TATDN1: variants seen among roughly 807,000 people sequenced by gnomAD.
TATDN1 encodes the protein deoxyribonuclease TATDN1.
TATDN1 carries 40 observed loss-of-function variants against 46.4 expected under a neutral mutation model. The ratio of observed to expected loss-of-function variants is 0.86; its 90% CI spans 0.67 to 1.12. The LOEUF is 1.12. Among genes scored for constraint, TATDN1 ranks in the 50% most tolerant of loss-of-function variants. The pLI, the probability that TATDN1 is intolerant of heterozygous loss-of-function variation, is 0.00. For missense variants in TATDN1, 326 were observed against 348.4 expected (o/e 0.94, Z 0.51); for synonymous variants, 95 against 105.6 (o/e 0.90, Z 0.62).
chr8:124,537,057 T>C (rs1164662035), intron 1 of TATDN1, among the ~76,000 whole-genome samples: 1 of 152,176 alleles, frequency 6.6e-6, no homozygotes, highest in Non-Finnish European at 1.5e-5. Context: ...ATTTCAATTA[T>C]TTATTCCAAT....
intron 1 of TATDN1, among the ~76,000 whole-genome samples, chr8:124,530,391 T>A (rs1214457540): frequency 6.6e-6 from 1 of 152,162 alleles, no homozygotes; most frequent in Non-Finnish European, 1.5e-5. Context: ...ACTAGCAACA[T>A]GTGGGACAGC....
At chr8:124,498,059 C>T (rs534228514) in intron 9 of TATDN1, among the ~76,000 whole-genome samples, 4 of 152,254 alleles carry the variant, frequency 2.6e-5, no homozygotes, top group East Asian at 1.9e-4. Context: ...TATGTTGGGT[C>T]GCACTGGGGT....
intron 1 of TATDN1, among the ~76,000 whole-genome samples, chr8:124,536,141 G>A (rs1337816922): frequency 6.6e-6 from 1 of 152,222 alleles, no homozygotes; most frequent in Non-Finnish European, 1.5e-5. Context: ...ATGCAGTAGA[G>A]ATTCTGGCAT....
intron 1 of TATDN1, among the ~76,000 whole-genome samples, chr8:124,524,427 ATAAG>A (rs1237335934): frequency 2.0e-5 from 3 of 152,184 alleles, no homozygotes; most frequent in African/African-American, 7.2e-5. Context: ...TAGTTTCTTT[ATAAG>A]TAAGTACAGG....
intron 9 of TATDN1, among the ~76,000 whole-genome samples, chr8:124,500,116 T>G (rs574344383): frequency 5.6e-4 from 85 of 152,294 alleles, no homozygotes; most frequent in African/African-American, 2.0e-3. Context: ...GTGCTGGGAT[T>G]ACAGGCGTGA....
chr8:124,533,774 G>C (rs959732199), intron 1 of TATDN1, among the ~76,000 whole-genome samples: 18 of 152,070 alleles, frequency 1.2e-4, no homozygotes, highest in Non-Finnish European at 1.0e-4. Context: ...TGTTCAGCCA[G>C]TTTAGGGGGC....
At chr8:124,525,778 T>A (rs1044925632) in intron 1 of TATDN1, among the ~76,000 whole-genome samples, 1 of 152,160 alleles carries the variant, frequency 6.6e-6, no homozygotes, top group Admixed American at 6.5e-5. Flanking sequence ...CATTATCAAA[T>A]AGCCAAATGT....
intron 4 of TATDN1, among the ~76,000 whole-genome samples, chr8:124,516,406 G>A (rs4358788): frequency 0.093 from 14,117 of 151,676 alleles, 828 homozygotes; most frequent in Non-Finnish European, 0.14. Context: ...GGGCTCAAGC[G>A]ATCCTCCCAC....
At position 124,538,796 on chromosome 8, in the gene TATDN1, T is replaced by A. The variant is rs142830162; in HGVS notation, c.22+229A>T. ...TTGAAAACAGCACAAAAATCATAACTGTACGGCTTGTTAATTTTTACAAAT... is the reference window on the plus strand; with the variant it reads ...TTGAAAACAGCACAAAAATCATAACAGTACGGCTTGTTAATTTTTACAAAT... On this transcript the variant is annotated intron_variant, in intron 1 of 11. Transcript: ENST00000276692. 29 of 603,282 alleles carry A rather than the reference T, an allele frequency of 4.8e-5. No homozygotes were observed. In the African/African-American group the frequency reaches 4.8e-4, roughly 10 times the overall value. 37.4% of individuals were successfully genotyped at this position (603,282 alleles called of 1,614,324 possible). A position where few individuals can be genotyped will look rare whatever the true frequency, so the allele number is the denominator to read the frequency against.
chr8:124,536,187 A>T (rs1343985704), intron 1 of TATDN1, among the ~76,000 whole-genome samples: 1 of 152,202 alleles, frequency 6.6e-6, no homozygotes, highest in Non-Finnish European at 1.5e-5. Flanking sequence ...TTGAGAGTGG[A>T]AGAGTTTGTA....
intron 6 of TATDN1, among the ~76,000 whole-genome samples, chr8:124,515,288 G>C (rs1230333026): frequency 2.6e-5 from 4 of 152,176 alleles, no homozygotes; most frequent in Admixed American, 2.6e-4. Context: ...GGCTGAGGCA[G>C]GAGACTCATT....
At chr8:124,520,529 C>A (rs1243682009) in intron 3 of TATDN1, among the ~76,000 whole-genome samples, 2 of 151,974 alleles carry the variant, frequency 1.3e-5, no homozygotes, top group Non-Finnish European at 2.9e-5. Context: ...TGCCTACATC[C>A]AGTATTTAAA....
chr8:124,532,274 A>G (rs1481569850), intron 1 of TATDN1, among the ~76,000 whole-genome samples: 3 of 152,174 alleles, frequency 2.0e-5, no homozygotes, highest in Non-Finnish European at 4.4e-5. Flanking sequence ...TAAGAGAAAC[A>G]AAACAGTCTT....
intron 4 of TATDN1, among the ~76,000 whole-genome samples, chr8:124,517,668 A>G (rs562337553): frequency 9.2e-5 from 14 of 152,350 alleles, no homozygotes; most frequent in African/African-American, 2.6e-4. Flanking sequence ...TTACCTAACT[A>G]GGATTCCTTT....
chr8:124,518,418 G>T (rs2131496942), intron 4 of TATDN1, among the ~76,000 whole-genome samples: 1 of 151,418 alleles, frequency 6.6e-6, no homozygotes, highest in African/African-American at 2.4e-5. Flanking sequence ...CAGCTACCCG[G>T]GAGGCTGAGG....
At position 124,515,978 on chromosome 8, in the gene TATDN1, T is replaced by C. The variant is rs1299365094; in HGVS notation, c.255A>G (p.Glu85=). 6.2e-7 allele frequency: 1 copy of C among 1,613,336 alleles called. No individual in the cohort carries two copies. The highest frequency in any genetic ancestry group is 1.3e-5 in the African/African-American group (1 of 74,914). Residue 85 remains glutamate, a synonymous_variant, in exon 5 of 12, where the codon GAA becomes GAG. Transcript: ENST00000276692. ...GCHPTRCGEF[E]KNNPDLYLKE... ...TTAAGTAAAGATCAGGGTTATTCTT[T>C]TCAAATTCACCACATCTTGTAGGAT...
chr8:124,525,312 A>AT (rs1820390918), intron 1 of TATDN1, among the ~76,000 whole-genome samples: 1 of 151,846 alleles, frequency 6.6e-6, no homozygotes. Context: ...CACCCAGCTA[A>AT]TTTTTTGTAT....
intron 9 of TATDN1, among the ~76,000 whole-genome samples, chr8:124,498,565 C>G (rs928484194): frequency 2.6e-5 from 4 of 152,030 alleles, no homozygotes; most frequent in South Asian, 2.1e-4. Flanking sequence ...CCAAAGCCCC[C>G]CTATTGGATT....
In TATDN1 at chr8:124,490,754, G is replaced by GTT. The variant is rs71289672; in HGVS notation, c.792-2060_792-2059dup. Among the ~76,000 whole-genome samples the GTT allele has an allele frequency of 5.5e-3, 797 of 144,772 alleles. 14 individuals are homozygous for GTT. Among genetic ancestry groups the GTT allele is most frequent in the African/African-American group, 0.019 (753 of 39,376 alleles). 95.0% of individuals were successfully genotyped at this position (144,772 alleles called of 152,430 possible). On this transcript the variant is annotated intron_variant, in intron 11 of 11. Transcript: ENST00000276692. ...ACTTTTACAGTAAGCACAGGTTTTT[G>GTT]TTTTTTTTTTTTGAGAGAGTCTTAC...
Sources: allele counts gnomAD v4.1 joint callset (sites outside exome capture counted in the v4.1 genomes callset), GRCh38; gene constraint gnomAD v4.1.1; transcripts MANE v1.5; gene names NCBI Gene and HGNC (gene_info 2026-07-23, HGNC 2026-07-21).